The following GBE1 variants were observed in gnomAD, a reference collection of about 807,000 sequenced individuals.
The protein encoded by GBE1 is 1,4-alpha-glucan branching enzyme 1, also known as 1,4-alpha-glucan-branching enzyme.
Under a neutral mutation model 88.8 loss-of-function variants are expected in GBE1, and 70 were observed. The ratio of observed to expected loss-of-function variants is 0.79; its 90% CI spans 0.65 to 0.96. The LOEUF (loss-of-function observed/expected upper bound fraction) is 0.96. Among genes scored for constraint, GBE1 ranks in the 40% least tolerant of loss-of-function variants. The pLI is 0.00. For synonymous variants in GBE1, 284 were observed against 300.1 expected, an observed-to-expected ratio of 0.95 and a Z score of 0.56; for missense variants, 872 against 871.0, an observed-to-expected ratio of 1.00 and a Z score of -0.01.
intron 14 of GBE1, among the ~76,000 whole-genome samples, chr3:81,514,887 C>T (rs906211265): frequency 1.3e-5 from 2 of 151,234 alleles, no homozygotes; most frequent in Non-Finnish European, 3.0e-5. Flanking sequence ...TTTCTACTGG[C>T]CAGAAGGAAA....
chr3:81,549,938 C>A (rs79036757), intron 12 of GBE1, among the ~76,000 whole-genome samples: 2 of 151,146 alleles, frequency 1.3e-5, no homozygotes, highest in Admixed American at 6.6e-5. Flanking sequence ...GAGTTTTTTC[C>A]TGCAATTTAG....
At chr3:81,532,513 C>T (rs1033502605) in intron 14 of GBE1, among the ~76,000 whole-genome samples, 6 of 151,986 alleles carry the variant, frequency 3.9e-5, no homozygotes, top group Non-Finnish European at 8.8e-5. Flanking sequence ...TTAGTTCATG[C>T]CCTAATTATC....
chr3:81,539,624 C>T (rs1703119081), intron 12 of GBE1, among the ~76,000 whole-genome samples: 1 of 151,870 alleles, frequency 6.6e-6, no homozygotes, highest in African/African-American at 2.4e-5. Context: ...AAAGAATGAT[C>T]GATTCAAATG....
In GBE1 at chr3:81,577,251, T is replaced by C. The variant is rs1576156069; in HGVS notation, c.1618+674A>G. Among the ~76,000 whole-genome samples, 7 of 152,242 alleles carry C rather than the reference T, an allele frequency of 4.6e-5. No homozygotes were observed. In the South Asian group the frequency reaches 1.5e-3, roughly 32 times the overall value. On this transcript the variant is annotated intron_variant, in intron 12 of 15. Coordinates refer to ENST00000429644, the MANE Select transcript of GBE1 (RefSeq NM_000158.4). ...GGCACCACCCACCCTGAGTCTTTTA[T>C]TGTAGAAAAATAAAACAGCCTTTTG...
intron 7 of GBE1, among the ~76,000 whole-genome samples, chr3:81,614,295 G>C (rs1465919790): frequency 6.6e-6 from 1 of 152,034 alleles, no homozygotes; most frequent in Non-Finnish European, 1.5e-5. Context: ...ATCTAGGGGG[G>C]GAAAAAACCC....
chr3:81,713,564 GTATT>G (rs1407377399), intron 1 of GBE1, among the ~76,000 whole-genome samples: 1 of 152,258 alleles, frequency 6.6e-6, no homozygotes, highest in African/African-American at 2.4e-5. Context: ...AATTAATAAA[GTATT>G]TATTAAGTAA....
intron 14 of GBE1, among the ~76,000 whole-genome samples, chr3:81,531,577 G>A (rs922730995): frequency 1.3e-5 from 2 of 151,866 alleles, no homozygotes; most frequent in African/African-American, 4.8e-5. Flanking sequence ...TTCCCTTCAG[G>A]GAAGCAAGTT....
intron 1 of GBE1, among the ~76,000 whole-genome samples, chr3:81,726,740 C>T (rs556225866): frequency 5.2e-4 from 79 of 152,102 alleles, no homozygotes; most frequent in African/African-American, 1.8e-3. Flanking sequence ...CGCCACCATG[C>T]CTGGCTAATT....
At chr3:81,615,554 G>A (rs143413550) in intron 7 of GBE1, among the ~76,000 whole-genome samples, 86 of 152,310 alleles carry the variant, frequency 5.6e-4, no homozygotes, top group Non-Finnish European at 1.0e-3. Context: ...CTTTGGGGAC[G>A]AGCTTTTGCT....
intron 14 of GBE1, among the ~76,000 whole-genome samples, chr3:81,505,693 T>A (rs963532287): frequency 1.7e-4 from 26 of 152,098 alleles, no homozygotes; most frequent in African/African-American, 6.3e-4. Context: ...TATTACTACA[T>A]AGATAATGTG....
chr3:81,646,214 A>G (rs1275738538), intron 6 of GBE1, among the ~76,000 whole-genome samples, 178 bp downstream of exon 6: 2 of 152,226 alleles, frequency 1.3e-5, no homozygotes, highest in Non-Finnish European at 2.9e-5. Context: ...ATCAAGGACA[A>G]TTTCTAAGGC....
intron 7 of GBE1, among the ~76,000 whole-genome samples, chr3:81,616,920 C>A (rs1291673883): frequency 6.6e-6 from 1 of 151,762 alleles, no homozygotes; most frequent in African/African-American, 2.4e-5. Flanking sequence ...GGATTTACAT[C>A]TTACTACTTC....
At chr3:81,563,597 C>T (rs1463619519) in intron 12 of GBE1, among the ~76,000 whole-genome samples, 1 of 152,054 alleles carries the variant, frequency 6.6e-6, no homozygotes, top group Non-Finnish European at 1.5e-5. Flanking sequence ...TATTCCCCTG[C>T]ACCAGCCCTT....
intron 14 of GBE1, among the ~76,000 whole-genome samples, chr3:81,516,048 C>T (rs537567773): frequency 1.3e-5 from 2 of 151,764 alleles, no homozygotes; most frequent in African/African-American, 4.8e-5. Flanking sequence ...AGCAAGTTTT[C>T]CAGAAGATCT....
At position 81,596,123 on chromosome 3, in the gene GBE1, A is replaced by T. The variant is rs151176572; in HGVS notation, c.993-2100T>A. ...ACAATAGACAAAATTTTATGAGAGT[A>T]AACTATGTAGGACAAAATAGTAAAG... is the stretch of plus-strand genomic sequence containing the variant. On this transcript the variant is annotated intron_variant, in intron 7 of 15. Coordinates refer to ENST00000429644, the MANE Select transcript of GBE1 (RefSeq NM_000158.4). Among the ~76,000 whole-genome samples the T allele has an allele frequency of 5.8e-4, 88 of 152,118 alleles. 1 individual carries two copies. The East Asian group carries it at 0.013, about 23-fold the overall frequency.
At chr3:81,712,935 C>A (rs1336505383) in intron 1 of GBE1, among the ~76,000 whole-genome samples, 1 of 152,022 alleles carries the variant, frequency 6.6e-6, no homozygotes, top group African/African-American at 2.4e-5. Context: ...ATTAAGGCTG[C>A]CAAATGAAGG....
intron 12 of GBE1, among the ~76,000 whole-genome samples, chr3:81,573,451 A>T (rs1161043051): frequency 6.6e-6 from 1 of 152,122 alleles, no homozygotes; most frequent in Non-Finnish European, 1.5e-5. Context: ...TTTACACAGC[A>T]TTTTCTGCTT....
At chr3:81,534,161 T>C (rs534028228) in intron 14 of GBE1, among the ~76,000 whole-genome samples, 1 of 152,098 alleles carries the variant, frequency 6.6e-6, no homozygotes, top group Non-Finnish European at 1.5e-5. Context: ...ATTATTTCTA[T>C]TGCCTGCTTG....
chr3:81,625,989 T>A (rs911330583), intron 7 of GBE1, among the ~76,000 whole-genome samples: 1 of 152,198 alleles, frequency 6.6e-6, no homozygotes, highest in African/African-American at 2.4e-5. Context: ...CTAGAGGAAA[T>A]AACCATAAAG....
Sources: gnomAD v4.1 joint callset for allele counts (sites outside exome capture counted in the v4.1 genomes callset) on GRCh38, gnomAD v4.1.1 for gene constraint, MANE v1.5 for transcripts, NCBI Gene and HGNC (gene_info 2026-07-23, HGNC 2026-07-21) for gene names.